The following PURG variants were observed in gnomAD, a reference collection of about 807,000 sequenced individuals.
The protein encoded by PURG is purine rich element binding protein G.
In PURG, 3 loss-of-function variants were observed where a neutral mutation model predicts 24.3. The observed-to-expected ratio is 0.12, with a 90% CI of 0.06 to 0.32. The LOEUF (loss-of-function observed/expected upper bound fraction) is 0.32, where lower values mean the gene tolerates loss of function less well. PURG is among the 10% of genes least tolerant of loss of function. The probability of loss-of-function intolerance (pLI) is 1.00; values close to 1 mark genes in which losing one functional copy is unlikely to be tolerated. For missense variants in PURG, 371 were observed against 439.1 expected (o/e 0.84, Z 1.39); for synonymous variants, 180 against 173.1 (o/e 1.04, Z -0.31).
intron 1 of PURG, among the ~76,000 whole-genome samples, chr8:31,021,222 G>C (rs1810982648): frequency 1.3e-5 from 2 of 152,014 alleles, no homozygotes; most frequent in South Asian, 4.1e-4. Flanking sequence ...CAAAAATATT[G>C]ATAAGATTTA....
chr8:31,023,631 A>C (rs568828876), intron 1 of PURG, among the ~76,000 whole-genome samples: 200 of 152,160 alleles, frequency 1.3e-3, no homozygotes, highest in African/African-American at 4.5e-3. Context: ...TCTCTTTTCC[A>C]ATCACCATCC....
chr8:31,020,298 C>T (rs1023644829), intron 1 of PURG, among the ~76,000 whole-genome samples: 6 of 152,054 alleles, frequency 3.9e-5, no homozygotes, highest in African/African-American at 7.2e-5. Flanking sequence ...GTTTACTTAG[C>T]GTATTCTAGT....
At chr8:31,010,547 A>G (rs1356942417) in intron 1 of PURG, among the ~76,000 whole-genome samples, 1 of 152,196 alleles carries the variant, frequency 6.6e-6, no homozygotes, top group African/African-American at 2.4e-5. Flanking sequence ...CTATAAACAT[A>G]TATGCTTAAT....
chr8:31,033,192 C>A lies in PURG; in HGVS notation c.-121G>T. On this transcript the variant is annotated 5_prime_UTR_variant, in exon 1 of 2. Transcript: ENST00000523392. ...GCAGCCGCCGCCCCCCGCCTCCTCC[C>A]CCGCCGCCGCCGCTCGCACTGCCCC... 1 of 201,944 alleles carries A rather than the reference C, an allele frequency of 5.0e-6. No individual in the cohort carries two copies. The highest frequency in any genetic ancestry group is 1.6e-4 in the South Asian group (1 of 6,092). 12.5% of individuals were successfully genotyped at this position (201,944 alleles called of 1,614,324 possible).
chr8:31,019,545 C>G (rs1810953796), intron 1 of PURG, among the ~76,000 whole-genome samples: 1 of 151,406 alleles, frequency 6.6e-6, no homozygotes, highest in South Asian at 2.1e-4. Context: ...GTAGGTCAAG[C>G]TGATCTTGAA....
chr8:31,018,056 A>G (rs746148034), intron 1 of PURG, among the ~76,000 whole-genome samples: 2 of 152,196 alleles, frequency 1.3e-5, no homozygotes, highest in Admixed American at 6.5e-5. Flanking sequence ...GTTTCTTTGA[A>G]GATTATAAAA....
intron 1 of PURG, among the ~76,000 whole-genome samples, chr8:31,024,074 T>TA (rs1811048506): frequency 2.0e-5 from 3 of 152,170 alleles, no homozygotes. Context: ...TTTAAAAAAT[T>TA]AAAGTTTAGG....
At chr8:31,017,625 G>A (rs1810900914) in intron 1 of PURG, among the ~76,000 whole-genome samples, 1 of 152,102 alleles carries the variant, frequency 6.6e-6, no homozygotes, top group Admixed American at 6.6e-5. Flanking sequence ...AAGCACAGAT[G>A]ATTAGAAGAA....
chr8:31,003,567 G>A (rs1810582864), intron 1 of PURG, among the ~76,000 whole-genome samples: 1 of 152,070 alleles, frequency 6.6e-6, no homozygotes, highest in Non-Finnish European at 1.5e-5. Context: ...TTTGAGACCA[G>A]CCTGGCCAAC....
At chr8:31,002,520 G>T (rs980953799) in intron 1 of PURG, among the ~76,000 whole-genome samples, 6 of 152,098 alleles carry the variant, frequency 3.9e-5, no homozygotes, top group Non-Finnish European at 8.8e-5. Context: ...GTCTCTCTCT[G>T]AAGCCCAGGC....
chr8:30,998,160 A>G (rs757500980), intron 1 of PURG, among the ~76,000 whole-genome samples: 1 of 151,850 alleles, frequency 6.6e-6, no homozygotes, highest in Non-Finnish European at 1.5e-5. Flanking sequence ...AACATTTTAA[A>G]ATCTCAAATG....
intron 1 of PURG, among the ~76,000 whole-genome samples, chr8:31,005,830 C>T (rs772034100): frequency 6.7e-5 from 10 of 148,814 alleles, no homozygotes; most frequent in East Asian, 2.0e-4. Context: ...GAGAACAACA[C>T]GCCCTGGAAA....
chr8:31,028,016 T>C (rs1254009343), downstream of PURG, among the ~76,000 whole-genome samples: 1 of 151,758 alleles, frequency 6.6e-6, no homozygotes, highest in Non-Finnish European at 1.5e-5. Flanking sequence ...TTGAGTATAA[T>C]ATTATGTACT....
Position 31,033,231 on chromosome 8 carries a change from C to T in PURG, c.-160G>A. On this transcript the variant is annotated 5_prime_UTR_variant, in exon 1 of 2. Transcript: ENST00000523392. ...TCGCACTGCCCCCCGCCGGAGCAGC[C>T]GGGCAGGGGCATCGCCCGCGGCGCC... 5.5e-6 allele frequency: 1 copy of T among 182,400 alleles called. No individual in the cohort carries two copies. The highest frequency in any genetic ancestry group is 1.1e-5 in the Non-Finnish European group (1 of 88,826). The allele number at this position is 182,400 out of a possible 1,614,324, so 11.3% of individuals were successfully genotyped here.
Position 31,007,565 on chromosome 8 carries a change from GA to G in PURG, c.865-10869del, listed in dbSNP as rs369502661. On this transcript the variant is annotated intron_variant, in intron 1 of 1. Coordinates refer to the PURG transcript ENST00000339382. ...CAAAATCAGTGTAATAAGAAAAACA[GA>G]CACTGAACAGTGGAAGTACCACTTA... 1.8e-3 allele frequency among the ~76,000 whole-genome samples: 275 copies of G among 152,274 alleles called. 1 individual carries two copies. Among genetic ancestry groups the G allele is most frequent in the African/African-American group, 6.0e-3 (249 of 41,560 alleles).
At chr8:30,998,375 A>G (rs1350145117) in intron 1 of PURG, among the ~76,000 whole-genome samples, 7 of 151,836 alleles carry the variant, frequency 4.6e-5, no homozygotes, top group Non-Finnish European at 5.9e-5. Flanking sequence ...AGAATAATTT[A>G]AGGGATTTTT....
At chr8:31,013,219 A>ATAGTT in intron 1 of PURG, among the ~76,000 whole-genome samples, 1 of 152,342 alleles carries the variant, frequency 6.6e-6, no homozygotes, top group Non-Finnish European at 1.5e-5. Context: ...AATGGTGATC[A>ATAGTT]ACAAACCAAA....
intron 1 of PURG, among the ~76,000 whole-genome samples, chr8:31,000,672 T>C (rs965911951): frequency 3.9e-5 from 6 of 152,122 alleles, no homozygotes; most frequent in East Asian, 3.9e-4. Context: ...TAGTTCATAG[T>C]CAAAGAACAT....
intron 1 of PURG, among the ~76,000 whole-genome samples, chr8:30,998,903 G>A (rs1810481667): frequency 6.6e-6 from 1 of 151,748 alleles, no homozygotes; most frequent in Non-Finnish European, 1.5e-5. Context: ...TTCAGGTACA[G>A]GCACAATGAG....
Sources: gnomAD v4.1 joint callset for allele counts (sites outside exome capture counted in the v4.1 genomes callset) on GRCh38, gnomAD v4.1.1 for gene constraint, MANE v1.5 for transcripts, NCBI Gene and HGNC (gene_info 2026-07-23, HGNC 2026-07-21) for gene names.